Variants in CTNNA3 observed in about 807,000 individuals in gnomAD.
The protein encoded by CTNNA3 is catenin alpha-3.
Under a neutral mutation model 95.7 loss-of-function variants are expected in CTNNA3, and 76 were observed. The ratio of observed to expected loss-of-function variants is 0.79; its 90% CI spans 0.66 to 0.96. CTNNA3 has a LOEUF of 0.96. CTNNA3 is among the 40% of genes least tolerant of loss of function. The probability of loss-of-function intolerance (pLI) is 0.00; values close to 1 mark genes in which losing one functional copy is unlikely to be tolerated. For missense variants in CTNNA3, 1,191 were observed against 1,089.8 expected (o/e 1.09, Z -1.31); for synonymous variants, 431 against 374.4 (o/e 1.15, Z -1.74).
At chr10:66,844,997 T>A (rs913847467) in intron 7 of CTNNA3, among the ~76,000 whole-genome samples, 12 of 152,140 alleles carry the variant, frequency 7.9e-5, no homozygotes, top group African/African-American at 2.4e-4. Flanking sequence ...ATATTTACAT[T>A]TATTTTGTAG....
At chr10:66,602,276 CACATTTAAAATG>C (rs1410609563) in intron 10 of CTNNA3, among the ~76,000 whole-genome samples, 2 of 151,876 alleles carry the variant, frequency 1.3e-5, no homozygotes, top group African/African-American at 4.8e-5. Context: ...ATTTCAGCCT[CACATTTAAAATG>C]ACATTTAAAA....
At chr10:66,474,813 T>C (rs1422101097) in intron 11 of CTNNA3, among the ~76,000 whole-genome samples, 1 of 152,108 alleles carries the variant, frequency 6.6e-6, no homozygotes, top group South Asian at 2.1e-4. Context: ...CATTTTTTCA[T>C]ATACTTGTTA....
intron 1 of CTNNA3, among the ~76,000 whole-genome samples, chr10:67,749,767 G>T (rs2131746839): frequency 6.6e-6 from 1 of 152,250 alleles, no homozygotes; most frequent in East Asian, 1.9e-4. Flanking sequence ...AGAGGCAGGA[G>T]CAAACAAAGC....
At chr10:66,311,058 CA>C (rs1378577174) in intron 12 of CTNNA3, among the ~76,000 whole-genome samples, 1 of 152,158 alleles carries the variant, frequency 6.6e-6, no homozygotes, top group Non-Finnish European at 1.5e-5. Flanking sequence ...CACATTCTAT[CA>C]AAGTGTAGGT....
intron 2 of CTNNA3, among the ~76,000 whole-genome samples, chr10:67,613,232 T>C (rs1186899197): frequency 6.6e-6 from 1 of 152,162 alleles, no homozygotes; most frequent in African/African-American, 2.4e-5. Context: ...TCACTCATTA[T>C]ACTGTCTTGT....
chr10:66,684,828 C>T lies in CTNNA3; in HGVS notation c.1282-63044G>A, dbSNP rs182563004. Among the ~76,000 whole-genome samples the T allele has an allele frequency of 4.6e-3, 695 of 151,820 alleles. 5 individuals are homozygous for T. Among genetic ancestry groups the T allele is most frequent in the African/African-American group, 0.016 (656 of 41,414 alleles). On this transcript the variant is annotated intron_variant, in intron 9 of 17. Transcript: ENST00000433211. ...GATGCTGAAAATAGAATGTTGGCAC[C>T]GGAGAAGTCCTTACTATATATGTGG...
intron 15 of CTNNA3, among the ~76,000 whole-genome samples, chr10:65,990,257 G>T (rs1346955262): frequency 1.3e-5 from 2 of 151,932 alleles, no homozygotes; most frequent in Admixed American, 6.6e-5. Flanking sequence ...GAGTGAGATT[G>T]CTAGATCATA....
chr10:67,352,118 C>T (rs1478107745), intron 5 of CTNNA3, among the ~76,000 whole-genome samples: 1 of 151,936 alleles, frequency 6.6e-6, no homozygotes, highest in Non-Finnish European at 1.5e-5. Flanking sequence ...AAATATACTT[C>T]CATACAATAA....
rs1029052681 is a variant in CTNNA3, at chr10:66,926,464, T to A, written c.1048-150940A>T. On this transcript the variant is annotated intron_variant, in intron 7 of 17. Transcript: ENST00000433211. The stretch of plus-strand genomic sequence containing the variant: ...CGGTCCATCTCCCAAGGGGTCCAAT[T>A]TTTCTTCCTGGGTGTCAGCGAGCCC... The A allele has an allele frequency of 1.2e-4, 146 of 1,182,294 alleles. No individual in the cohort carries two copies. The East Asian group carries it at 3.4e-3, about 28-fold the overall frequency. 73.2% of individuals were successfully genotyped at this position (1,182,294 alleles called of 1,614,324 possible).
chr10:67,661,083 C>T (rs1421151616), intron 1 of CTNNA3, among the ~76,000 whole-genome samples: 1 of 152,008 alleles, frequency 6.6e-6, no homozygotes, highest in African/African-American at 2.4e-5. Flanking sequence ...ATATTTAAAA[C>T]ATTATCCCTA....
In CTNNA3 at chr10:67,551,137, C is replaced by G. The variant is rs1461784882; in HGVS notation, c.293-11468G>C. ...CCCAGTCCTGTGCCTGTAAAAACTC[C>G]CGAGACTCTGGCAGGCAGACACACA... is the stretch of plus-strand genomic sequence containing the variant. On this transcript the variant is annotated intron_variant, in intron 3 of 17. Transcript: ENST00000433211. Among the ~76,000 whole-genome samples, 7 of 152,214 alleles carry G rather than the reference C, an allele frequency of 4.6e-5. No individual in the cohort carries two copies. In the East Asian group the frequency reaches 1.4e-3, roughly 29 times the overall value.
Position 66,443,717 on chromosome 10 carries a change from A to T in CTNNA3, c.1532-64365T>A, listed in dbSNP as rs554133747. 6.4e-3 allele frequency among the ~76,000 whole-genome samples: 964 copies of T among 151,782 alleles called. 15 individuals carry two copies. The highest frequency in any genetic ancestry group is 0.023 in the African/African-American group (931 of 41,132). The stretch of plus-strand genomic sequence containing the variant: ...ACCAAAAGTAGATAAAAACACAAAG[A>T]TGGGGAAAAAACAGAGCAGAAAAAC... On this transcript the variant is annotated intron_variant, in intron 11 of 17. Coordinates refer to ENST00000433211, the MANE Select transcript of CTNNA3 (RefSeq NM_013266.4).
intron 1 of CTNNA3, among the ~76,000 whole-genome samples, chr10:67,740,993 G>A (rs1481324404): frequency 6.6e-6 from 1 of 151,212 alleles, no homozygotes. Flanking sequence ...AAAATGATGA[G>A]TTCATGTCCT....
intron 2 of CTNNA3, among the ~76,000 whole-genome samples, chr10:67,644,985 C>G (rs1839660222): frequency 6.6e-6 from 1 of 152,112 alleles, no homozygotes; most frequent in South Asian, 2.1e-4. Context: ...GACTCATCTA[C>G]TTGTGGATCA....
chr10:66,055,077 CTGTG>C (rs2080049443), intron 15 of CTNNA3, among the ~76,000 whole-genome samples: 1 of 152,040 alleles, frequency 6.6e-6, no homozygotes, highest in African/African-American at 2.4e-5. Context: ...TTCCATTGGT[CTGTG>C]TGTCTGTTTT....
At chr10:66,721,808 G>C (rs1334383842) in intron 9 of CTNNA3, among the ~76,000 whole-genome samples, 2 of 152,142 alleles carry the variant, frequency 1.3e-5, no homozygotes. Context: ...TTCCCAGTAA[G>C]GTCAAGCACT....
chr10:67,006,944 C>T (rs1460325592), intron 7 of CTNNA3, among the ~76,000 whole-genome samples: 1 of 152,108 alleles, frequency 6.6e-6, no homozygotes, highest in Non-Finnish European at 1.5e-5. Context: ...CAGTCATGTG[C>T]CACCACGTCC....
intron 7 of CTNNA3, among the ~76,000 whole-genome samples, chr10:67,033,488 A>T (rs1853858755): frequency 6.6e-6 from 1 of 152,226 alleles, no homozygotes; most frequent in South Asian, 2.1e-4. Context: ...CCATTACTGT[A>T]TACTGTACCA....
intron 5 of CTNNA3, among the ~76,000 whole-genome samples, chr10:67,259,738 A>G (rs1327970951): frequency 6.6e-6 from 1 of 152,126 alleles, no homozygotes; most frequent in Non-Finnish European, 1.5e-5. Flanking sequence ...TGGCAAACAT[A>G]TTCTCAGTTT....
Sources: gnomAD v4.1 joint callset for allele counts (sites outside exome capture counted in the v4.1 genomes callset) on GRCh38, gnomAD v4.1.1 for gene constraint, MANE v1.5 for transcripts, NCBI Gene and HGNC (gene_info 2026-07-23, HGNC 2026-07-21) for gene names.